The following MPDZ variants were observed in gnomAD, a reference collection of about 807,000 sequenced individuals.
MPDZ encodes the protein multiple PDZ domain crumbs cell polarity complex component.
A neutral mutation model predicts 239.1 loss-of-function variants in MPDZ; 234 were observed. The observed-to-expected ratio is 0.98, with a 90% CI of 0.88 to 1.09. MPDZ has a LOEUF of 1.09. Ranked by LOEUF, MPDZ falls within the 50% of genes least tolerant of loss-of-function variation. MPDZ has a pLI of 0.00. For missense variants in MPDZ, 3,175 were observed against 2,510.0 expected, an observed-to-expected ratio of 1.26 and a Z score of -5.66; for synonymous variants, 1,048 against 881.3, an observed-to-expected ratio of 1.19 and a Z score of -3.35.
chr9:13,249,013 G>GAAAAA (rs1287365448), intron 2 of MPDZ, among the ~76,000 whole-genome samples: 1 of 66,618 alleles, frequency 1.5e-5, no homozygotes, highest in Non-Finnish European at 3.8e-5. Context: ...AAAAAAATTG[G>GAAAAA]AATCATCACC....
In MPDZ at chr9:13,222,290, G is replaced by A; in HGVS notation, c.690C>T (p.Ser230=). ...CAGATGGAGAACGGGAAACTATGGG[G>A]CTGACAAGCTGAGGCAATGAGCCTC... ...IARGSLPQLV[S]PIVSRSPSAA... Residue 230 remains serine, a synonymous_variant, in exon 6 of 47, where the codon AGC becomes AGT. Transcript: ENST00000319217. The A allele has an allele frequency of 6.2e-7, 1 of 1,612,854 alleles. No individual in the cohort carries two copies. The highest frequency in any genetic ancestry group is 8.5e-7 in the Non-Finnish European group (1 of 1,179,248).
rs763252802 is a variant in MPDZ at position 13,224,562 on chromosome 9, T to C, written c.205A>G (p.Thr69Ala). ...ACGTGGGCATATTCAATATTTGAAG[T>C]TGCTGAAGTTGCAATATTTACCTAA... ...KDQVNIATSA[T>A]SNIEYAHVPH... Residue 69 changes from threonine to alanine, a missense_variant, in exon 4 of 47, where the codon ACT (threonine) becomes GCT (alanine). By Grantham distance (58) the Thr-to-Ala change is moderately conservative. Coordinates refer to ENST00000319217, the MANE Select transcript of MPDZ (RefSeq NM_001378778.1). 6 of 1,610,352 alleles carry C rather than the reference T, an allele frequency of 3.7e-6. No homozygotes were observed. The South Asian group carries it at 6.6e-5, about 18-fold the overall frequency.
At chr9:13,258,781 A>G (rs914070053) in intron 1 of MPDZ, among the ~76,000 whole-genome samples, 1 of 152,220 alleles carries the variant, frequency 6.6e-6, no homozygotes, top group South Asian at 2.1e-4. Flanking sequence ...TTTCAAGTAG[A>G]CATTTATAAA....
intron 19 of MPDZ, among the ~76,000 whole-genome samples, chr9:13,180,861 A>T (rs781525072): frequency 6.6e-6 from 1 of 152,142 alleles, no homozygotes; most frequent in Non-Finnish European, 1.5e-5. Flanking sequence ...TTAAGCAAAT[A>T]CATACTCTTA....
chr9:13,110,871 C>G (rs1474350167), intron 43 of MPDZ, 131 bp from the exon 44 acceptor site: 2 of 553,470 alleles, frequency 3.6e-6, no homozygotes, highest in Non-Finnish European at 6.2e-6. Context: ...TGAAATATAA[C>G]CAAGGAAACC....
chr9:13,225,154 G>A (rs1485010907), intron 3 of MPDZ, among the ~76,000 whole-genome samples: 3 of 151,888 alleles, frequency 2.0e-5, no homozygotes, highest in Non-Finnish European at 4.4e-5. Flanking sequence ...CTATACATGT[G>A]TTTGTGCTTT....
At chr9:13,118,464 A>G (rs958590572) in intron 39 of MPDZ, among the ~76,000 whole-genome samples, 1 of 152,214 alleles carries the variant, frequency 6.6e-6, no homozygotes, top group Admixed American at 6.5e-5. Flanking sequence ...CCAGCCACTC[A>G]GAGGCTCCCC....
chr9:13,122,751 A>G (rs1476876160), intron 36 of MPDZ, among the ~76,000 whole-genome samples: 1 of 152,104 alleles, frequency 6.6e-6, no homozygotes, highest in Non-Finnish European at 1.5e-5. Flanking sequence ...TCCTGGCCTC[A>G]AGTGATCCAC....
chr9:13,195,383 C>T (rs190321148), intron 13 of MPDZ, among the ~76,000 whole-genome samples: 39 of 152,184 alleles, frequency 2.6e-4, no homozygotes, highest in South Asian at 1.2e-3. Flanking sequence ...ATGCTATAAA[C>T]GCTAGTTATT....
intron 46 of MPDZ, among the ~76,000 whole-genome samples, chr9:13,108,665 T>C (rs554530643): frequency 3.3e-5 from 5 of 152,126 alleles, no homozygotes; most frequent in African/African-American, 7.2e-5. Context: ...GAAAAAAAAA[T>C]AGGCTTTACT....
At chr9:13,151,075 A>C (rs1291262966) in intron 24 of MPDZ, among the ~76,000 whole-genome samples, 2 of 152,052 alleles carry the variant, frequency 1.3e-5, no homozygotes, top group African/African-American at 4.8e-5. Flanking sequence ...AATATTATGG[A>C]AATACAAATC....
chr9:13,268,397 C>A (rs1453653785), intron 1 of MPDZ, among the ~76,000 whole-genome samples: 1 of 151,870 alleles, frequency 6.6e-6, no homozygotes, highest in Non-Finnish European at 1.5e-5. Flanking sequence ...TTATAATTTT[C>A]TATTATTTTT....
chr9:13,246,570 T>C (rs1362373150), intron 3 of MPDZ, among the ~76,000 whole-genome samples: 2 of 152,278 alleles, frequency 1.3e-5, no homozygotes, highest in East Asian at 1.9e-4. Flanking sequence ...ACATTTACTA[T>C]AGAAAGGTAT....
At chr9:13,252,384 G>T (rs1170303047) in intron 1 of MPDZ, among the ~76,000 whole-genome samples, 1 of 151,584 alleles carries the variant, frequency 6.6e-6, no homozygotes, top group African/African-American at 2.4e-5. Context: ...TGGCCAACAT[G>T]GTGAAACCCT....
chr9:13,168,337 AG>A (rs1438774872), intron 22 of MPDZ, 28 bp downstream of exon 22: 5 of 1,590,720 alleles, frequency 3.1e-6, no homozygotes, highest in Non-Finnish European at 3.4e-6. Context: ...GAATTTCCCA[AG>A]TTAAACTGGG....
chr9:13,167,812 A>T (rs1332232330), intron 22 of MPDZ, among the ~76,000 whole-genome samples: 2 of 152,120 alleles, frequency 1.3e-5, no homozygotes, highest in Non-Finnish European at 2.9e-5. Flanking sequence ...TGGAAATTTT[A>T]AGCACTTCCT....
intron 1 of MPDZ, among the ~76,000 whole-genome samples, chr9:13,266,024 C>A (rs930171168): frequency 6.6e-6 from 1 of 152,214 alleles, no homozygotes; most frequent in Non-Finnish European, 1.5e-5. Flanking sequence ...ATTACCATTT[C>A]AAATGGCTTC....
intron 3 of MPDZ, among the ~76,000 whole-genome samples, chr9:13,247,399 G>T (rs1588094475): frequency 6.6e-6 from 1 of 152,200 alleles, no homozygotes; most frequent in East Asian, 1.9e-4. Flanking sequence ...TCATTCTTCA[G>T]CATCCACACA....
chr9:13,202,044 T>C lies in MPDZ; in HGVS notation c.1546+2992A>G, dbSNP rs371627463. Among the ~76,000 whole-genome samples the C allele has an allele frequency of 1.7e-4, 26 of 152,276 alleles. No homozygotes were observed. The South Asian group carries it at 4.8e-3, about 28-fold the overall frequency. ...TTTTCACAATCCTTGTATTTTTACA[T>C]TGATGATGGTTCATTTGAGGAGTTG... is the stretch of plus-strand genomic sequence containing the variant. On this transcript the variant is annotated intron_variant, in intron 12 of 46. Coordinates refer to ENST00000319217, the MANE Select transcript of MPDZ (RefSeq NM_001378778.1).
Sources: gnomAD v4.1 joint callset for allele counts (sites outside exome capture counted in the v4.1 genomes callset) on GRCh38, gnomAD v4.1.1 for gene constraint, MANE v1.5 for transcripts, NCBI Gene and HGNC (gene_info 2026-07-23, HGNC 2026-07-21) for gene names.